CORO2B: variants seen among roughly 807,000 people sequenced by gnomAD.
The protein encoded by CORO2B is coronin-2B.
CORO2B carries 26 observed loss-of-function variants against 58.8 expected under a neutral mutation model. The ratio of observed to expected loss-of-function variants is 0.44; its 90% confidence interval spans 0.32 to 0.61. The LOEUF is 0.61. Among genes scored for constraint, CORO2B ranks in the 20% least tolerant of loss-of-function variants. CORO2B has a pLI of 0.04. For missense variants in CORO2B, 460 were observed against 645.1 expected (o/e 0.71, Z 3.11); for synonymous variants, 242 against 253.8 (o/e 0.95, Z 0.44).
intron 1 of CORO2B, among the ~76,000 whole-genome samples, chr15:68,640,588 G>T (rs545448128): frequency 6.6e-6 from 1 of 151,776 alleles, no homozygotes; most frequent in African/African-American, 2.4e-5. Flanking sequence ...TGCAACACAT[G>T]AACCTAGGTT....
At chr15:68,564,101 G>A in the CORO2B span, among the ~76,000 whole-genome samples, 1 of 152,150 alleles carries the variant, frequency 6.6e-6, no homozygotes, top group Non-Finnish European at 1.5e-5. Flanking sequence ...ACATTAGATG[G>A]TCTAAGTTCT....
the CORO2B span, chr15:68,559,490 G>A: frequency 2.1e-4 from 122 of 587,184 alleles, no homozygotes; most frequent in Non-Finnish European, 2.6e-4. This position sits in a 1 kb window ranked among gnomAD's most constrained non-coding sequence, Gnocchi z 4.3. Context: ...TCTGGGAACG[G>A]AGAAGGGAGC....
intron 1 of CORO2B, among the ~76,000 whole-genome samples, chr15:68,589,712 T>C (rs941744635): frequency 1.3e-5 from 2 of 152,026 alleles, no homozygotes; most frequent in African/African-American, 4.8e-5. Context: ...GATTCAAAAG[T>C]GGGGAATGGG....
intron 1 of CORO2B, among the ~76,000 whole-genome samples, chr15:68,644,913 G>A (rs1253307590): frequency 6.6e-6 from 1 of 152,200 alleles, no homozygotes; most frequent in Non-Finnish European, 1.5e-5. Context: ...TGTACCAAAA[G>A]CTCCTATGCC....
At chr15:68,649,112 T>C (rs1181879949) in intron 2 of CORO2B, among the ~76,000 whole-genome samples, 3 of 152,258 alleles carry the variant, frequency 2.0e-5, no homozygotes, top group Non-Finnish European at 4.4e-5. Context: ...TCAGTAGCAC[T>C]GGTCTGGAAT....
At chr15:68,679,884 G>A (rs1462024266) in intron 2 of CORO2B, among the ~76,000 whole-genome samples, 3 of 152,198 alleles carry the variant, frequency 2.0e-5, no homozygotes, top group African/African-American at 4.8e-5. Context: ...TACCTCGGAG[G>A]TGGTGCATCT....
chr15:68,603,757 C>A (rs1296369903), intron 1 of CORO2B, among the ~76,000 whole-genome samples: 1 of 152,152 alleles, frequency 6.6e-6, no homozygotes, highest in Non-Finnish European at 1.5e-5. Flanking sequence ...AGAAACCAAC[C>A]CTGCTGGACC....
At chr15:68,600,877 C>T (rs1899964338) in intron 1 of CORO2B, among the ~76,000 whole-genome samples, 1 of 152,162 alleles carries the variant, frequency 6.6e-6, no homozygotes, top group Non-Finnish European at 1.5e-5. Flanking sequence ...GAGATGCAAA[C>T]CCAGCAATTT....
intron 2 of CORO2B, among the ~76,000 whole-genome samples, chr15:68,670,717 G>A (rs970856621): frequency 6.6e-6 from 1 of 152,156 alleles, no homozygotes; most frequent in Non-Finnish European, 1.5e-5. Context: ...GAAGATATAA[G>A]CAACCTTACA....
At chr15:68,650,375 A>ATGG (rs1479175154) in intron 2 of CORO2B, among the ~76,000 whole-genome samples, 1 of 18,488 alleles carries the variant, frequency 5.4e-5, no homozygotes, top group Non-Finnish European at 9.7e-5. Flanking sequence ...AAAAAAAAAA[A>ATGG]AAAAAAAAAA....
rs541319065 is a variant in CORO2B, at chr15:68,715,923, C to T, written c.967+612C>T. ...CATATGATTCAGCAATTCTATATTT[C>T]GGGTCCAAATCACCCAATGAAACAC... is the stretch of plus-strand genomic sequence containing the variant. On this transcript the variant is annotated intron_variant, in intron 8 of 11. Transcript: ENST00000261861. Among the ~76,000 whole-genome samples the T allele has an allele frequency of 1.5e-3, 231 of 152,328 alleles. 1 individual carries two copies. The highest frequency in any genetic ancestry group is 1.5e-3 in the Non-Finnish European group (104 of 68,034).
At chr15:68,611,381 C>T (rs1043030741) in intron 1 of CORO2B, among the ~76,000 whole-genome samples, 3 of 152,140 alleles carry the variant, frequency 2.0e-5, no homozygotes, top group African/African-American at 7.2e-5. Context: ...TGGGTGTTTT[C>T]CTTTCACTTG....
chr15:68,613,596 C>A (rs531434835), intron 1 of CORO2B, among the ~76,000 whole-genome samples: 20 of 152,308 alleles, frequency 1.3e-4, no homozygotes, highest in African/African-American at 3.8e-4. Flanking sequence ...ACGCACAATG[C>A]CATGGACTTT....
chr15:68,679,704 C>T (rs896224161), intron 2 of CORO2B, among the ~76,000 whole-genome samples: 17 of 152,110 alleles, frequency 1.1e-4, no homozygotes, highest in African/African-American at 3.4e-4. Flanking sequence ...TCTAGGGGTT[C>T]GGAGTGCAAT....
chr15:68,713,487 A>G (rs1240136963), intron 5 of CORO2B, among the ~76,000 whole-genome samples: 1 of 152,190 alleles, frequency 6.6e-6, no homozygotes, highest in Admixed American at 6.5e-5. Flanking sequence ...AACAACAGAA[A>G]TGTATTCTCT....
At chr15:68,656,180 C>T (rs1901800674) in intron 2 of CORO2B, among the ~76,000 whole-genome samples, 1 of 68,442 alleles carries the variant, frequency 1.5e-5, no homozygotes, top group Admixed American at 1.6e-4. Flanking sequence ...CCCCCCCGCC[C>T]CCCGACCCAA....
chr15:68,689,311 T>C (rs1892299333), intron 2 of CORO2B, among the ~76,000 whole-genome samples: 1 of 151,784 alleles, frequency 6.6e-6, no homozygotes, highest in African/African-American at 2.4e-5. Context: ...AGATGGCAGG[T>C]TAGAGCCCTG....
At chr15:68,604,151 C>G (rs1595962611) in intron 1 of CORO2B, among the ~76,000 whole-genome samples, 2 of 152,182 alleles carry the variant, frequency 1.3e-5, no homozygotes, top group Admixed American at 6.5e-5. Flanking sequence ...ATGAGCCGCC[C>G]CTCGTCGTTC....
intron 2 of CORO2B, among the ~76,000 whole-genome samples, chr15:68,672,315 A>G (rs1902430239): frequency 6.6e-6 from 1 of 151,970 alleles, no homozygotes; most frequent in South Asian, 2.1e-4. Flanking sequence ...AGCTCACTGC[A>G]GCCTCAGTCT....
Sources: allele counts gnomAD v4.1 joint callset (sites outside exome capture counted in the v4.1 genomes callset), GRCh38; gene constraint gnomAD v4.1.1; non-coding constraint Gnocchi (gnomAD v3.1); transcripts MANE v1.5; gene names NCBI Gene and HGNC (gene_info 2026-07-23, HGNC 2026-07-21).